ARID4B: variants seen among roughly 807,000 people sequenced by gnomAD.
The protein encoded by ARID4B is AT-rich interactive domain-containing protein 4B.
In ARID4B, 26 loss-of-function variants were observed where a neutral mutation model predicts 147.5. The ratio of observed to expected loss-of-function variants is 0.18; its 90% confidence interval spans 0.13 to 0.24. The LOEUF (loss-of-function observed/expected upper bound fraction) is 0.24, where lower values mean the gene tolerates loss of function less well. Ranked by LOEUF, ARID4B falls within the 10% of genes least tolerant of loss-of-function variation. ARID4B has a pLI of 1.00. For synonymous variants in ARID4B, 512 were observed against 507.9 expected, an observed-to-expected ratio of 1.01 and a Z score of -0.11; for missense variants, 1,179 against 1,511.5, an observed-to-expected ratio of 0.78 and a Z score of 3.65.
At chr1:235,235,530 C>G (rs1215448479) in intron 8 of ARID4B, among the ~76,000 whole-genome samples, 1 of 152,162 alleles carries the variant, frequency 6.6e-6, no homozygotes, top group Non-Finnish European at 1.5e-5. Context: ...TCCAGTTCTG[C>G]CACAGAACGA....
At chr1:235,294,325 T>TTTA (rs1449920685) in intron 2 of ARID4B, among the ~76,000 whole-genome samples, 1 of 147,588 alleles carries the variant, frequency 6.8e-6, no homozygotes, top group Non-Finnish European at 1.5e-5. Flanking sequence ...TTTTTTTTTT[T>TTTA]TTTTTGAGAC....
intron 8 of ARID4B, among the ~76,000 whole-genome samples, chr1:235,238,590 C>T (rs1397979095): frequency 6.6e-6 from 1 of 152,094 alleles, no homozygotes; most frequent in African/African-American, 2.4e-5. Context: ...GCTCAGTAGC[C>T]CCCACCTGTA....
At chr1:235,265,453 C>T (rs1163481885) in intron 2 of ARID4B, among the ~76,000 whole-genome samples, 2 of 152,088 alleles carry the variant, frequency 1.3e-5, no homozygotes, top group East Asian at 3.9e-4. Context: ...AATCCCAGCA[C>T]TTTAGGAAGC....
Position 235,223,384 on chromosome 1 carries a change from C to T in ARID4B, c.971-124G>A, listed in dbSNP as rs1260028471. 7.5e-5 allele frequency: 13 copies of T among 174,320 alleles called. 1 individual carries two copies. Among genetic ancestry groups the T allele is most frequent in the African/African-American group, 2.7e-4 (9 of 33,644 alleles). The allele number at this position is 174,320 out of a possible 1,614,324, so 10.8% of individuals were successfully genotyped here. ...ATATATACACGTATATATATATATA[C>T]ACGTATATATATGTGTGTGTATATA... On this transcript the variant is annotated intron_variant, in intron 12 of 23. Coordinates refer to ENST00000264183, the MANE Select transcript of ARID4B (RefSeq NM_016374.6).
In ARID4B at chr1:235,234,635, C is replaced by T. The variant is rs1016205093; in HGVS notation, c.586-143G>A. ...GAGGGTAAACAGGCACACACACACA[C>T]GTGGGAGCACACACAAGCAATTTTA... On this transcript the variant is annotated intron_variant, in intron 8 of 23. Coordinates refer to ENST00000264183, the MANE Select transcript of ARID4B (RefSeq NM_016374.6). 2.9e-4 allele frequency: 128 copies of T among 443,298 alleles called. 1 individual carries two copies. The highest frequency in any genetic ancestry group is 1.3e-3 in the African/African-American group (62 of 47,636). 27.5% of individuals were successfully genotyped at this position (443,298 alleles called of 1,614,324 possible).
intron 2 of ARID4B, among the ~76,000 whole-genome samples, chr1:235,302,335 G>C (rs1673239080): frequency 7.6e-6 from 1 of 131,554 alleles, no homozygotes; most frequent in Non-Finnish European, 1.6e-5. Flanking sequence ...GAGGGGAAAG[G>C]AGGGGAGGGG....
chr1:235,221,792 T>C (rs1667480260), intron 13 of ARID4B, 130 bp from the exon 14 acceptor site: 3 of 400,346 alleles, frequency 7.5e-6, no homozygotes, highest in Non-Finnish European at 1.3e-5. Flanking sequence ...TTTTAAAAAC[T>C]TGATAAATTC....
At chr1:235,201,045 T>C (rs903810632) in intron 17 of ARID4B, among the ~76,000 whole-genome samples, 1 of 152,052 alleles carries the variant, frequency 6.6e-6, no homozygotes, top group Non-Finnish European at 1.5e-5. Context: ...CTTGGGAGGC[T>C]GGGGTAGGAG....
At chr1:235,176,800 C>T in intron 21 of ARID4B, 1 of 468,994 alleles carries the variant, frequency 2.1e-6, no homozygotes, top group Admixed American at 2.4e-5. Context: ...GCCGAATAAC[C>T]CTTTTCTGCA....
rs181173700 is a variant in ARID4B at position 235,318,099 on chromosome 1, T to C, written c.6+8815A>G. 2.6e-4 allele frequency among the ~76,000 whole-genome samples: 40 copies of C among 151,286 alleles called. 1 individual carries two copies. The East Asian group carries it at 7.2e-3, about 27-fold the overall frequency. ...CCTCCAAATAAGTAGACTGACAAAATGTCGTATCTTCATAAGATGGACTAT... is the reference window on the plus strand; with the variant it reads ...CCTCCAAATAAGTAGACTGACAAAACGTCGTATCTTCATAAGATGGACTAT... On this transcript the variant is annotated intron_variant, in intron 2 of 23. Coordinates refer to ENST00000264183, the MANE Select transcript of ARID4B (RefSeq NM_016374.6).
chr1:235,220,143 T>C (rs534252552), intron 15 of ARID4B, among the ~76,000 whole-genome samples, 159 bp downstream of exon 15: 1 of 152,122 alleles, frequency 6.6e-6, no homozygotes, highest in South Asian at 2.1e-4. Flanking sequence ...AACAGCTATT[T>C]TGAAGTTATG....
intron 16 of ARID4B, among the ~76,000 whole-genome samples, chr1:235,219,115 C>T (rs1667279759): frequency 1.3e-5 from 2 of 152,140 alleles, no homozygotes; most frequent in East Asian, 1.9e-4. Flanking sequence ...CTGCCCGCCC[C>T]GGTCTCCCAA....
chr1:235,179,548 A>AC (rs1350529326), intron 20 of ARID4B, among the ~76,000 whole-genome samples: 26 of 150,106 alleles, frequency 1.7e-4, no homozygotes, highest in African/African-American at 6.1e-4. Context: ...AAAAAAAAAA[A>AC]AAAAACCCAA....
chr1:235,314,251 AC>A (rs1305895619), intron 2 of ARID4B, among the ~76,000 whole-genome samples: 22 of 152,182 alleles, frequency 1.4e-4, no homozygotes, highest in Non-Finnish European at 7.3e-5. Flanking sequence ...TTAAAAAAAA[AC>A]AAGACAGGCT....
intron 11 of ARID4B, among the ~76,000 whole-genome samples, chr1:235,225,381 T>C (rs143534438): frequency 5.0e-3 from 756 of 152,304 alleles, no homozygotes; most frequent in Admixed American, 0.011. Context: ...AATTTATCAA[T>C]TACAAGGGAA....
chr1:235,173,310 C>T (rs934086225), intron 22 of ARID4B, among the ~76,000 whole-genome samples: 5 of 152,058 alleles, frequency 3.3e-5, no homozygotes, highest in African/African-American at 9.7e-5. Flanking sequence ...TGCCACTGCA[C>T]GCTAGCCTGG....
chr1:235,189,211 C>G (rs1398470147), intron 19 of ARID4B, among the ~76,000 whole-genome samples: 1 of 151,456 alleles, frequency 6.6e-6, no homozygotes, highest in African/African-American at 2.4e-5. Context: ...CCAGCCTGGC[C>G]AAGATGGTGA....
At chr1:235,275,840 T>C (rs1671280649) in intron 2 of ARID4B, among the ~76,000 whole-genome samples, 1 of 152,120 alleles carries the variant, frequency 6.6e-6, no homozygotes. Flanking sequence ...ACTGTCAAAA[T>C]ATACAAAAAT....
At chr1:235,199,276 T>C (rs1486429337) in intron 17 of ARID4B, among the ~76,000 whole-genome samples, 2 of 152,336 alleles carry the variant, frequency 1.3e-5, no homozygotes, top group East Asian at 3.9e-4. Flanking sequence ...ATTATGACTC[T>C]TCTGTTATTT....
Sources: allele counts gnomAD v4.1 joint callset (sites outside exome capture counted in the v4.1 genomes callset), GRCh38; gene constraint gnomAD v4.1.1; transcripts MANE v1.5; gene names NCBI Gene and HGNC (gene_info 2026-07-23, HGNC 2026-07-21).